Variants in SUGCT observed in about 807,000 individuals in gnomAD.
The protein encoded by SUGCT is succinyl-CoA:glutarate CoA-transferase.
Under a neutral mutation model 55.0 loss-of-function variants are expected in SUGCT, and 41 were observed. The ratio of observed to expected loss-of-function variants is 0.74; its 90% CI spans 0.58 to 0.97. The LOEUF is 0.97. Ranked by LOEUF, SUGCT falls within the 50% of genes least tolerant of loss-of-function variation. The probability of loss-of-function intolerance (pLI) is 0.00; values close to 1 mark genes in which losing one functional copy is unlikely to be tolerated. For missense variants in SUGCT, 568 were observed against 547.8 expected (o/e 1.04, Z -0.37); for synonymous variants, 187 against 200.4 (o/e 0.93, Z 0.56).
intron 1 of SUGCT, among the ~76,000 whole-genome samples, chr7:40,162,963 A>G (rs1475384588): frequency 6.6e-6 from 1 of 152,180 alleles, no homozygotes; most frequent in Non-Finnish European, 1.5e-5. Context: ...CTGCAGTACA[A>G]ATTAGCCCAA....
intron 12 of SUGCT, among the ~76,000 whole-genome samples, chr7:40,710,227 C>A (rs1043430317): frequency 6.6e-6 from 1 of 152,190 alleles, no homozygotes; most frequent in Non-Finnish European, 1.5e-5. Context: ...CGGCGGACCA[C>A]CTCTTTCTCT....
chr7:41,030,163 C>T, the SUGCT span, among the ~76,000 whole-genome samples: 1 of 152,178 alleles, frequency 6.6e-6, no homozygotes, highest in Non-Finnish European at 1.5e-5. Context: ...CTATTTAAAA[C>T]ATCTTGGCTA....
the SUGCT span, among the ~76,000 whole-genome samples, chr7:40,944,549 A>G: frequency 6.6e-6 from 1 of 151,890 alleles, no homozygotes; most frequent in South Asian, 2.1e-4. Context: ...TCCTTTCCCC[A>G]TTGCTTGTTT....
the SUGCT span, among the ~76,000 whole-genome samples, chr7:41,031,046 C>T: frequency 9.2e-5 from 14 of 152,280 alleles, no homozygotes; most frequent in East Asian, 2.7e-3. Flanking sequence ...ACAGCAACTT[C>T]CGTCTCCCGG....
At chr7:40,937,314 G>A in the SUGCT span, among the ~76,000 whole-genome samples, 1 of 151,940 alleles carries the variant, frequency 6.6e-6, no homozygotes, top group Non-Finnish European at 1.5e-5. Context: ...GATTACAGGC[G>A]CCTGCCACTA....
In SUGCT at chr7:40,773,140, T is replaced by G. The variant is rs564725084; in HGVS notation, c.1153+23643T>G. 2.0e-3 allele frequency among the ~76,000 whole-genome samples: 306 copies of G among 152,226 alleles called. 1 individual carries two copies. The highest frequency in any genetic ancestry group is 7.0e-3 in the African/African-American group (291 of 41,524). ...ATAATTTTTGAATTAGTATCTTTCT[T>G]TTTTTGAGATGGAGTTTTGCTCTTG... is the stretch of plus-strand genomic sequence containing the variant. On this transcript the variant is annotated intron_variant, in intron 13 of 13. Transcript: ENST00000335693.
intron 9 of SUGCT, among the ~76,000 whole-genome samples, chr7:40,350,452 T>C (rs936731470): frequency 2.0e-5 from 3 of 151,398 alleles, no homozygotes; most frequent in Non-Finnish European, 3.0e-5. Flanking sequence ...TAGCTGGAAC[T>C]ACAGGTGACC....
intron 5 of SUGCT, among the ~76,000 whole-genome samples, chr7:40,192,631 T>TTTC (rs368114803): frequency 0.35 from 40,368 of 115,238 alleles, 6,631 homozygotes; most frequent in Middle Eastern, 0.55. Context: ...TCTTTCTTTC[T>TTTC]TTTTTTTTTT....
intron 12 of SUGCT, among the ~76,000 whole-genome samples, chr7:40,707,780 A>G (rs1445607735): frequency 6.6e-6 from 1 of 152,206 alleles, no homozygotes; most frequent in Non-Finnish European, 1.5e-5. Flanking sequence ...CCATGGATGT[A>G]AGCCTTAAAT....
chr7:40,593,275 A>G (rs148922757), intron 12 of SUGCT, among the ~76,000 whole-genome samples: 1 of 152,116 alleles, frequency 6.6e-6, no homozygotes, highest in African/African-American at 2.4e-5. Context: ...TGGTTTAACA[A>G]TTTCTCTCCG....
At chr7:40,184,670 G>A (rs149070590) in intron 3 of SUGCT, among the ~76,000 whole-genome samples, 2 of 152,026 alleles carry the variant, frequency 1.3e-5, no homozygotes, top group African/African-American at 2.4e-5. Context: ...TCAAAAATTA[G>A]CATTATTATT....
chr7:41,001,765 T>G, the SUGCT span, among the ~76,000 whole-genome samples: 3 of 152,156 alleles, frequency 2.0e-5, no homozygotes, highest in African/African-American at 4.8e-5. Context: ...AACTCCATCT[T>G]CTAATACCAT....
chr7:40,343,553 T>C (rs1356648310), intron 9 of SUGCT, among the ~76,000 whole-genome samples: 1 of 152,194 alleles, frequency 6.6e-6, no homozygotes, highest in Non-Finnish European at 1.5e-5. Context: ...ACAGAATCCT[T>C]TGGCCGATCT....
intron 9 of SUGCT, among the ~76,000 whole-genome samples, chr7:40,413,284 G>A (rs182681502): frequency 7.0e-4 from 107 of 152,196 alleles, no homozygotes; most frequent in Non-Finnish European, 1.4e-3. Context: ...GCTTTCCACA[G>A]CTAGTTTCTT....
chr7:40,449,097 G>T (rs1264149085), intron 9 of SUGCT, among the ~76,000 whole-genome samples, 190 bp from the exon 10 acceptor site: 1 of 151,856 alleles, frequency 6.6e-6, no homozygotes, highest in African/African-American at 2.4e-5. Flanking sequence ...TTTAGTTAGT[G>T]TGTATATATA....
At chr7:40,805,486 A>G (rs1167213018) in intron 13 of SUGCT, among the ~76,000 whole-genome samples, 2 of 152,214 alleles carry the variant, frequency 1.3e-5, no homozygotes, top group Non-Finnish European at 2.9e-5. Flanking sequence ...TACTATTTAT[A>G]TGGGTCTTCA....
intron 12 of SUGCT, among the ~76,000 whole-genome samples, chr7:40,695,458 A>T (rs1024462354): frequency 2.0e-5 from 3 of 152,088 alleles, no homozygotes; most frequent in Non-Finnish European, 2.9e-5. Flanking sequence ...TCGGCCTCCC[A>T]AAGTGTTGGG....
chr7:40,918,946 C>CCCTCACAAGTGGTGATGAGAGAAAAGTTA, the SUGCT span, among the ~76,000 whole-genome samples: 1 of 152,070 alleles, frequency 6.6e-6, no homozygotes, highest in Admixed American at 6.5e-5. Flanking sequence ...TGGAAAAGTT[C>CCCTCACAAGTGGTGATGAGAGAAAAGTTA]CCTCACAAGT....
At chr7:40,587,605 G>T (rs1003679919) in intron 12 of SUGCT, among the ~76,000 whole-genome samples, 2 of 152,160 alleles carry the variant, frequency 1.3e-5, no homozygotes, top group Non-Finnish European at 1.5e-5. Flanking sequence ...ATTTGTCATT[G>T]CCATGGCAAA....
Sources: allele counts gnomAD v4.1 joint callset (sites outside exome capture counted in the v4.1 genomes callset), GRCh38; gene constraint gnomAD v4.1.1; transcripts MANE v1.5; gene names NCBI Gene and HGNC (gene_info 2026-07-23, HGNC 2026-07-21).